MTMR1: variants seen among roughly 807,000 people sequenced by gnomAD.
MTMR1 encodes the protein myotubularin related protein 1.
In MTMR1, 17 loss-of-function variants were observed where a neutral mutation model predicts 51.6. The ratio of observed to expected loss-of-function variants is 0.33; its 90% CI spans 0.23 to 0.49. The LOEUF (loss-of-function observed/expected upper bound fraction) is 0.49, where lower values mean the gene tolerates loss of function less well. MTMR1 is among the 20% of genes least tolerant of loss of function. MTMR1 has a pLI of 0.99. For missense variants in MTMR1, 386 were observed against 526.9 expected (o/e 0.73, Z 2.62); for synonymous variants, 201 against 205.6 (o/e 0.98, Z 0.19).
At chrX:150,704,505 T>C (rs2041025852) in intron 2 of MTMR1, among the ~76,000 whole-genome samples, 1 of 111,690 alleles carries the variant, frequency 9.0e-6, no homozygotes, top group Admixed American at 9.5e-5. Flanking sequence ...CATCTATTGG[T>C]AGGCAGGTTG....
At chrX:150,716,521 T>C (rs2041522282) in intron 3 of MTMR1, among the ~76,000 whole-genome samples, 1 of 112,912 alleles carries the variant, frequency 8.9e-6, no homozygotes, top group Non-Finnish European at 1.9e-5. Flanking sequence ...AAAATGTCTT[T>C]AAAAACCAGT....
intron 9 of MTMR1, 135 bp from the exon 10 acceptor site, chrX:150,732,407 G>A (rs1050164327): frequency 1.9e-6 from 1 of 516,737 alleles, no homozygotes. Flanking sequence ...GCTGTGATTG[G>A]CCTGCCCACT....
At chrX:150,697,455 A>T (rs782729645) in intron 1 of MTMR1, among the ~76,000 whole-genome samples, 2 of 111,097 alleles carry the variant, frequency 1.8e-5, no homozygotes, top group South Asian at 3.8e-4. Flanking sequence ...TTTTTTTTTT[A>T]AAGGCCTGAA....
At chrX:150,703,910 T>G (rs2041005276) in intron 2 of MTMR1, among the ~76,000 whole-genome samples, 1 of 111,582 alleles carries the variant, frequency 9.0e-6, no homozygotes, top group Non-Finnish European at 1.9e-5. Context: ...GCCTCCAGTT[T>G]TGTAACCACT....
At chrX:150,755,927 G>A (rs1603272238) in intron 15 of MTMR1, 62 bp downstream of exon 15, 7 of 975,062 alleles carry the variant, frequency 7.2e-6, no homozygotes, top group South Asian at 2.1e-5. Flanking sequence ...AGTAAAGATG[G>A]TGGTATGAAA....
chrX:150,759,768 G>T lies in MTMR1; in HGVS notation c.1858-2797G>T, dbSNP rs932077629. Among the ~76,000 whole-genome samples the T allele has an allele frequency of 3.6e-5, 4 of 110,142 alleles. No homozygotes were observed. The Admixed American group carries it at 3.8e-4, about 11-fold the overall frequency. ...TGATGATGGAAACCACAGCGACAGC[G>T]CCTATAACCTGCAGTCCTCTTGTGT... is the stretch of plus-strand genomic sequence containing the variant. On this transcript the variant is annotated intron_variant, in intron 15 of 15. Transcript: ENST00000445323.
chrX:150,704,195 C>T (rs372358912), intron 2 of MTMR1, among the ~76,000 whole-genome samples: 254 of 111,194 alleles, frequency 2.3e-3, no homozygotes, highest in African/African-American at 7.4e-3. Context: ...CCACGTATGT[C>T]CCAGACTCAT....
In MTMR1 at chrX:150,762,657, C is replaced by A. The variant is rs782415979; in HGVS notation, c.1950C>A (p.Arg650=). 5 of 1,209,759 alleles carry A rather than the reference C, an allele frequency of 4.1e-6. No individual in the cohort carries two copies. The South Asian group carries it at 8.8e-5, about 21-fold the overall frequency. Residue 650 remains arginine (R), a synonymous_variant, in exon 16 of 16, where the codon CGC becomes CGA. Transcript: ENST00000445323. ...GCCTACAGCGGGAGGTGGCCACGCGCGCCGTCTCATCCTCATCTGAGCGGG... is the reference window on the plus strand; with the variant it reads ...GCCTACAGCGGGAGGTGGCCACGCGAGCCGTCTCATCCTCATCTGAGCGGG... ...VEGLQREVAT[R]AVSSSSERGS...
At chrX:150,732,337 CTCATGTAGTCAGAATTGTTTCA>C (rs1198326611) in intron 9 of MTMR1, among the ~76,000 whole-genome samples, 183 bp from the exon 10 acceptor site, 10 of 111,195 alleles carry the variant, frequency 9.0e-5, no homozygotes, top group Non-Finnish European at 1.7e-4. Flanking sequence ...ATTTTTAGAG[CTCATGTAGTCAGAATTGTTTCA>C]TCCTGACCAA....
At chrX:150,749,004 G>A (rs781802151) in intron 13 of MTMR1, among the ~76,000 whole-genome samples, 2 of 112,442 alleles carry the variant, frequency 1.8e-5, no homozygotes, top group Admixed American at 1.9e-4. Context: ...GTTCATCTAA[G>A]AACAAGGGTG....
At chrX:150,732,785 A>G in intron 10 of MTMR1, 55 bp downstream of exon 10, 1 of 1,055,450 alleles carries the variant, frequency 9.5e-7, no homozygotes, top group Non-Finnish European at 1.3e-6. Flanking sequence ...CCTGTCTGTA[A>G]ATCATTATGC....
chrX:150,699,307 A>G lies in MTMR1; in HGVS notation c.252+7A>G, dbSNP rs2040819692. ...TGTGTCCAGAGATTACAAGGTAAGCAACATTGAGTGTTTAATTCATTTTCA... is the reference window on the plus strand; with the variant it reads ...TGTGTCCAGAGATTACAAGGTAAGCGACATTGAGTGTTTAATTCATTTTCA... On this transcript the variant is annotated splice_region_variant and intron_variant, in intron 2 of 15. Coordinates refer to ENST00000445323, the MANE Select transcript of MTMR1 (RefSeq NM_001306144.3). 9.0e-7 allele frequency: 1 copy of G among 1,116,771 alleles called. No individual in the cohort carries two copies. The highest frequency in any genetic ancestry group is 1.2e-6 in the Non-Finnish European group (1 of 820,308). The allele number at this position is 1,116,771 out of a possible 1,213,427, so 92.0% of individuals were successfully genotyped here.
At chrX:150,743,021 G>A (rs2042478264) in intron 12 of MTMR1, among the ~76,000 whole-genome samples, 1 of 110,799 alleles carries the variant, frequency 9.0e-6, no homozygotes, top group African/African-American at 3.3e-5. Context: ...TAGAGTTTCT[G>A]TTTGGAAAGA....
chrX:150,719,113 T>A (rs1332182670), intron 4 of MTMR1, among the ~76,000 whole-genome samples: 2 of 111,684 alleles, frequency 1.8e-5, no homozygotes, highest in Non-Finnish European at 3.8e-5. Flanking sequence ...AAAGTACAAT[T>A]TTGGTGCATG....
intron 4 of MTMR1, among the ~76,000 whole-genome samples, chrX:150,723,948 A>G (rs2041841867): frequency 8.9e-6 from 1 of 112,222 alleles, no homozygotes; most frequent in African/African-American, 3.2e-5. Context: ...TCCGTGGTGT[A>G]TATATACCAT....
chrX:150,731,120 C>T (rs1469290954), intron 8 of MTMR1, among the ~76,000 whole-genome samples: 3 of 111,805 alleles, frequency 2.7e-5, no homozygotes, highest in African/African-American at 9.8e-5. Flanking sequence ...TTTAGACATT[C>T]GTAAGAGGTA....
At chrX:150,731,647 A>G (rs1374146193) in intron 9 of MTMR1, 28 bp downstream of exon 9, 4 of 1,140,139 alleles carry the variant, frequency 3.5e-6, no homozygotes, top group Non-Finnish European at 4.7e-6. Context: ...TCATTTATAT[A>G]GGAATATATA....
At chrX:150,712,884 T>C in intron 3 of MTMR1, 1 of 780,360 alleles carries the variant, frequency 1.3e-6, no homozygotes, top group African/African-American at 2.3e-5. Context: ...TTTTTTAAAA[T>C]ACAGATATAG....
intron 4 of MTMR1, among the ~76,000 whole-genome samples, chrX:150,722,081 A>G (rs781794058): frequency 9.0e-6 from 1 of 111,498 alleles, no homozygotes; most frequent in Non-Finnish European, 1.9e-5. Flanking sequence ...ATTGAGTTCT[A>G]CCTTCATTCC....
Sources: allele counts gnomAD v4.1 joint callset (sites outside exome capture counted in the v4.1 genomes callset), GRCh38; gene constraint gnomAD v4.1.1; transcripts MANE v1.5; gene names NCBI Gene and HGNC (gene_info 2026-07-23, HGNC 2026-07-21).